AMBRA1: variants seen among roughly 807,000 people sequenced by gnomAD.
AMBRA1 encodes activating molecule in BECN1-regulated autophagy protein 1.
In AMBRA1, 47 loss-of-function variants were observed where a neutral mutation model predicts 125.4. The ratio of observed to expected loss-of-function variants is 0.37; its 90% CI spans 0.30 to 0.48. AMBRA1 has a LOEUF of 0.48. AMBRA1 is among the 20% of genes least tolerant of loss of function. The probability of loss-of-function intolerance (pLI) is 0.99; values close to 1 mark genes in which losing one functional copy is unlikely to be tolerated. For synonymous variants in AMBRA1, 626 were observed against 655.5 expected, an observed-to-expected ratio of 0.95 and a Z score of 0.69; for missense variants, 1,331 against 1,693.4, an observed-to-expected ratio of 0.79 and a Z score of 3.76.
intron 1 of AMBRA1, among the ~76,000 whole-genome samples, chr11:46,573,162 T>C (rs775941302): frequency 8.6e-5 from 13 of 150,820 alleles, no homozygotes; most frequent in African/African-American, 2.2e-4. Context: ...CCTAGCACTT[T>C]GGGAGACTGA....
At chr11:46,483,192 T>G (rs1231762830) in intron 11 of AMBRA1, among the ~76,000 whole-genome samples, 1 of 152,070 alleles carries the variant, frequency 6.6e-6, no homozygotes, top group Non-Finnish European at 1.5e-5. Flanking sequence ...CCCTATAACA[T>G]GAGAGACTAT....
Position 46,542,185 on chromosome 11 carries a change from G to A in AMBRA1, c.1832C>T (p.Ser611Leu). 1 of 1,613,770 alleles carries A rather than the reference G, an allele frequency of 6.2e-7. No individual in the cohort carries two copies. Among genetic ancestry groups the A allele is most frequent in the Non-Finnish European group, 8.5e-7 (1 of 1,179,834 alleles). The change falls in exon 7 of 18, where the codon TCA becomes TTA. Residue 611 changes from serine (S) to leucine (L), a missense_variant. By Grantham distance (145) the Ser-to-Leu change is moderately radical (BLOSUM62 -2). This residue lies in a region of AMBRA1 where 689 missense variants were observed against 776.5 expected (regional missense o/e 0.89). Transcript: ENST00000683756. The surrounding 1 kb of genome is among the most constrained non-coding windows in gnomAD (Gnocchi z 5.9). ...GAGAGGTGGCAACTGGCTGCCACTT[G>A]ATGGCACACTCTCAAAGGAGCTGGG... ...QVPSSFESVP[S>L]SGSQLPPLER...
intron 7 of AMBRA1, among the ~76,000 whole-genome samples, chr11:46,530,857 T>C (rs1016676433): frequency 2.4e-4 from 37 of 152,236 alleles, no homozygotes; most frequent in South Asian, 6.2e-4. Context: ...AATAGTTTTT[T>C]TGGAACACAG....
chr11:46,582,126 A>C (rs2044196649), intron 1 of AMBRA1, among the ~76,000 whole-genome samples: 1 of 152,012 alleles, frequency 6.6e-6, no homozygotes, highest in Admixed American at 6.6e-5. Context: ...AAAAAAAAAA[A>C]AAAATTCGAA....
At chr11:46,459,274 G>A (rs981772825) in intron 11 of AMBRA1, among the ~76,000 whole-genome samples, 1 of 152,132 alleles carries the variant, frequency 6.6e-6, no homozygotes, top group African/African-American at 2.4e-5. Context: ...GGAAAGACAT[G>A]TTACAAACCA....
chr11:46,425,776 T>C (rs1427486320), intron 14 of AMBRA1, among the ~76,000 whole-genome samples: 2 of 139,122 alleles, frequency 1.4e-5, no homozygotes, highest in African/African-American at 2.7e-5. Context: ...AAGGCAGAGG[T>C]TGCAGTGAGC....
intron 14 of AMBRA1, among the ~76,000 whole-genome samples, chr11:46,419,943 C>T (rs1419287981): frequency 7.1e-6 from 1 of 139,944 alleles, no homozygotes; most frequent in African/African-American, 2.7e-5. Context: ...ATCTGAAAGG[C>T]CTCTGACAGG....
rs200223766 is a variant in AMBRA1, at chr11:46,568,813, T to TC, written c.-120-20314_-120-20313insG. On this transcript the variant is annotated intron_variant, in intron 1 of 17. Coordinates refer to ENST00000683756, the MANE Select transcript of AMBRA1 (RefSeq NM_001387011.1). Reference sequence around the variant, plus strand: ...AACCCTCAACCCTACCTTTTTTTTTTTTTTTTTTTTTTTGAGACAGTCTTG... The same window carrying TC: ...AACCCTCAACCCTACCTTTTTTTTTTCTTTTTTTTTTTTTGAGACAGTCTTG... Among the ~76,000 whole-genome samples, 219 of 147,474 alleles carry TC rather than the reference T, an allele frequency of 1.5e-3. 9 individuals are homozygous for TC. In the East Asian group the frequency reaches 0.037, roughly 25 times the overall value.
intron 12 of AMBRA1, among the ~76,000 whole-genome samples, chr11:46,436,638 A>G (rs1229061473): frequency 1.4e-5 from 2 of 146,254 alleles, no homozygotes; most frequent in African/African-American, 5.3e-5. Context: ...GCCCTTTGCC[A>G]AAACAAAAAC....
chr11:46,588,477 AC>A (rs2044477751), intron 1 of AMBRA1, among the ~76,000 whole-genome samples: 1 of 152,142 alleles, frequency 6.6e-6, no homozygotes, highest in South Asian at 2.1e-4. Context: ...AATGTAATCA[AC>A]TTAAGTATTA....
intron 11 of AMBRA1, among the ~76,000 whole-genome samples, chr11:46,482,965 T>C (rs1227161233): frequency 2.1e-5 from 3 of 145,940 alleles, no homozygotes; most frequent in African/African-American, 2.6e-5. Context: ...GCCGAGACCA[T>C]GCCATTGCAC....
intron 11 of AMBRA1, among the ~76,000 whole-genome samples, chr11:46,480,471 A>G (rs1590916568): frequency 6.6e-6 from 1 of 152,242 alleles, no homozygotes; most frequent in East Asian, 1.9e-4. Flanking sequence ...GCAAAAGCTA[A>G]ATGACATAAT....
intron 1 of AMBRA1, among the ~76,000 whole-genome samples, chr11:46,588,407 T>C (rs1431776982): frequency 6.6e-6 from 1 of 152,140 alleles, no homozygotes; most frequent in Non-Finnish European, 1.5e-5. Context: ...TAAAATAGCA[T>C]GGAAGTTAAC....
At chr11:46,488,285 A>G (rs1358984816) in intron 11 of AMBRA1, among the ~76,000 whole-genome samples, 1 of 152,024 alleles carries the variant, frequency 6.6e-6, no homozygotes, top group Admixed American at 6.6e-5. Flanking sequence ...GTGAAACCCC[A>G]TCTCTACTAA....
chr11:46,511,574 C>A (rs1326702011), intron 8 of AMBRA1, among the ~76,000 whole-genome samples: 2 of 152,240 alleles, frequency 1.3e-5, no homozygotes, highest in Admixed American at 1.3e-4. Flanking sequence ...CTTTACCTAA[C>A]CTACACTGCT....
chr11:46,536,146 T>C (rs1464046390), intron 7 of AMBRA1, among the ~76,000 whole-genome samples: 1 of 152,254 alleles, frequency 6.6e-6, no homozygotes, highest in African/African-American at 2.4e-5. Context: ...ATATTGCATA[T>C]GAAACCATAA....
intron 5 of AMBRA1, 101 bp from the exon 6 acceptor site, chr11:46,544,142 CT>C (rs1289170416): frequency 1.1e-6 from 1 of 881,054 alleles, no homozygotes; most frequent in Non-Finnish European, 1.8e-6. Context: ...TTACTGATAA[CT>C]GGTATCACTC....
chr11:46,480,594 T>C (rs1950023646), intron 11 of AMBRA1, among the ~76,000 whole-genome samples: 1 of 152,244 alleles, frequency 6.6e-6, no homozygotes, highest in Admixed American at 6.5e-5. Flanking sequence ...GGCAGTTTTT[T>C]GTTCTCTGAG....
intron 8 of AMBRA1, among the ~76,000 whole-genome samples, chr11:46,509,980 G>T (rs1951197645): frequency 6.6e-6 from 1 of 152,102 alleles, no homozygotes; most frequent in African/African-American, 2.4e-5. Context: ...TACCAACCCA[G>T]GTCACAGTCA....
Sources: allele counts gnomAD v4.1 joint callset (sites outside exome capture counted in the v4.1 genomes callset), GRCh38; gene constraint gnomAD v4.1.1; regional missense constraint gnomAD v4.1.1; non-coding constraint Gnocchi (gnomAD v3.1); transcripts MANE v1.5; gene names NCBI Gene and HGNC (gene_info 2026-07-23, HGNC 2026-07-21).